Variants in DOK5 observed in about 807,000 individuals in gnomAD.
DOK5 encodes the protein docking protein 5.
In DOK5, 27 loss-of-function variants were observed where a neutral mutation model predicts 43.3. That is an observed-to-expected ratio of 0.62 (90% CI 0.46 to 0.86). The LOEUF (loss-of-function observed/expected upper bound fraction) is 0.86, where lower values mean the gene tolerates loss of function less well. Ranked by LOEUF, DOK5 falls within the 40% of genes least tolerant of loss-of-function variation. The pLI, the probability that DOK5 is intolerant of heterozygous loss-of-function variation, is 0.00. For missense variants in DOK5, 373 were observed against 392.9 expected (o/e 0.95, Z 0.43); for synonymous variants, 146 against 140.1 (o/e 1.04, Z -0.30).
intron 6 of DOK5, among the ~76,000 whole-genome samples, chr20:54,610,896 G>A (rs1049722661): frequency 2.0e-5 from 3 of 152,174 alleles, no homozygotes; most frequent in East Asian, 3.9e-4. Context: ...AAAGAAGAGG[G>A]CTGAGGGAAA....
intron 1 of DOK5, among the ~76,000 whole-genome samples, chr20:54,488,847 G>C (rs1357038969): frequency 6.9e-5 from 10 of 144,424 alleles, no homozygotes; most frequent in Non-Finnish European, 1.1e-4. Flanking sequence ...GCATGAAGTA[G>C]GTGTTATTTT....
At chr20:54,598,144 T>G (rs1568803113) in intron 5 of DOK5, among the ~76,000 whole-genome samples, 1 of 152,242 alleles carries the variant, frequency 6.6e-6, no homozygotes, top group Non-Finnish European at 1.5e-5. Flanking sequence ...AGTGTTTTTC[T>G]CCTTCTCCTC....
chr20:54,579,987 G>A (rs2146757273), intron 2 of DOK5, among the ~76,000 whole-genome samples: 1 of 152,130 alleles, frequency 6.6e-6, no homozygotes, highest in East Asian at 1.9e-4. Context: ...GTGTCCATGT[G>A]TTAGCCTTGT....
At chr20:54,521,160 T>A (rs933282054) in intron 1 of DOK5, among the ~76,000 whole-genome samples, 20 of 152,156 alleles carry the variant, frequency 1.3e-4, no homozygotes, top group Non-Finnish European at 1.9e-4. Context: ...TCTGGTATCA[T>A]GTCACTTTTC....
At chr20:54,547,397 C>T (rs1255070033) in intron 1 of DOK5, among the ~76,000 whole-genome samples, 1 of 152,192 alleles carries the variant, frequency 6.6e-6, no homozygotes. Context: ...TTCTTCATAA[C>T]AGTCCTTGAA....
intron 1 of DOK5, among the ~76,000 whole-genome samples, chr20:54,506,083 T>C (rs1982793539): frequency 6.6e-6 from 1 of 152,156 alleles, no homozygotes; most frequent in South Asian, 2.1e-4. Context: ...GGGTTAGAGC[T>C]GTAGAGGTGG....
chr20:54,586,147 G>A (rs1167187373), intron 2 of DOK5, among the ~76,000 whole-genome samples: 1 of 152,190 alleles, frequency 6.6e-6, no homozygotes, highest in Admixed American at 6.5e-5. Context: ...TGTGGCATAT[G>A]TGTGGGGACC....
chr20:54,481,192 C>A (rs752906577), intron 1 of DOK5, among the ~76,000 whole-genome samples: 3 of 148,344 alleles, frequency 2.0e-5, no homozygotes, highest in Non-Finnish European at 4.4e-5. Context: ...ATTTTTTTGG[C>A]GGAGTCTTGC....
chr20:54,584,170 A>T (rs1326117217), intron 2 of DOK5, among the ~76,000 whole-genome samples: 1 of 151,690 alleles, frequency 6.6e-6, no homozygotes, highest in East Asian at 1.9e-4. Flanking sequence ...AAATAATAAA[A>T]ATAAATAAAT....
intron 6 of DOK5, among the ~76,000 whole-genome samples, chr20:54,615,134 A>C (rs73146055): frequency 0.068 from 10,284 of 152,258 alleles, 386 homozygotes; most frequent in Middle Eastern, 0.095. Context: ...GTGTGTCTAC[A>C]GACAGAATGT....
Position 54,482,223 on chromosome 20 carries a change from A to G in DOK5, c.66+6211A>G, listed in dbSNP as rs935069199. On this transcript the variant is annotated intron_variant, in intron 1 of 7. Transcript: ENST00000262593. ...ACTCCAATTCGAGTGAATTCACTGG[A>G]CTAGGAGGTATTTTTGTTAACTTGG... is the stretch of plus-strand genomic sequence containing the variant. 2.0e-5 allele frequency among the ~76,000 whole-genome samples: 3 copies of G among 152,334 alleles called. No individual in the cohort carries two copies. The East Asian group carries it at 5.8e-4, about 29-fold the overall frequency.
chr20:54,585,166 TTG>T (rs142691717), intron 2 of DOK5, among the ~76,000 whole-genome samples: 3 of 151,446 alleles, frequency 2.0e-5, no homozygotes, highest in African/African-American at 4.9e-5. Flanking sequence ...TGTGTGTGTG[TTG>T]TGTGTGTGTG....
intron 1 of DOK5, among the ~76,000 whole-genome samples, chr20:54,484,209 T>C (rs1382183876): frequency 6.6e-6 from 1 of 152,000 alleles, no homozygotes; most frequent in Non-Finnish European, 1.5e-5. Flanking sequence ...TGAAACCCTG[T>C]CTCTACTAAA....
At chr20:54,544,336 G>A (rs1256755281) in intron 1 of DOK5, among the ~76,000 whole-genome samples, 2 of 151,934 alleles carry the variant, frequency 1.3e-5, no homozygotes, top group African/African-American at 4.8e-5. Context: ...CATTATTTTG[G>A]TAAGTGGAAT....
chr20:54,621,706 G>C (rs959835399), intron 6 of DOK5, among the ~76,000 whole-genome samples: 1 of 151,506 alleles, frequency 6.6e-6, no homozygotes, highest in Admixed American at 6.6e-5. Context: ...AAAAAATCAC[G>C]ATTAAAGATG....
intron 6 of DOK5, among the ~76,000 whole-genome samples, chr20:54,640,682 C>T (rs1979071304): frequency 6.6e-6 from 1 of 152,216 alleles, no homozygotes; most frequent in Non-Finnish European, 1.5e-5. Flanking sequence ...TCTGAAAATA[C>T]AGTCAAATCA....
rs1291397361 is a variant in DOK5, at chr20:54,638,351, AC to A, written c.736-5105del. ...TTTAACCACATAAGTAATGGGGAGA[AC>A]CTTTGGGCTTAGGAGCAGATGTGCA... On this transcript the variant is annotated intron_variant, in intron 6 of 7. Transcript: ENST00000262593. 2.0e-5 allele frequency among the ~76,000 whole-genome samples: 3 copies of A among 152,230 alleles called. No individual in the cohort carries two copies. The East Asian group carries it at 5.8e-4, about 29-fold the overall frequency.
chr20:54,611,847 C>G (rs1317177288), intron 6 of DOK5, among the ~76,000 whole-genome samples: 1 of 152,184 alleles, frequency 6.6e-6, no homozygotes, highest in East Asian at 1.9e-4. Flanking sequence ...GTGATCTGTT[C>G]CAACACAGCC....
chr20:54,588,551 G>A lies in DOK5; in HGVS notation c.243G>A (p.Gly81=), dbSNP rs916182732. 1 of 1,614,164 alleles carries A rather than the reference G, an allele frequency of 6.2e-7. No homozygotes were observed. Among genetic ancestry groups the A allele is most frequent in the South Asian group, 1.1e-5 (1 of 91,088 alleles). The change falls in exon 3 of 8, where the codon GGG becomes GGA. Residue 81 remains glycine (G), a synonymous_variant. Coordinates refer to ENST00000262593, the MANE Select transcript of DOK5 (RefSeq NM_018431.5). ...AAAGCACCAAGAAACATGCCATAGG[G>A]ATTTATTTCAATGACGATACCTCCA... The part of the protein sequence containing the change: ...LPKSTKKHAI[G]IYFNDDTSKT...
Sources: allele counts gnomAD v4.1 joint callset (sites outside exome capture counted in the v4.1 genomes callset), GRCh38; gene constraint gnomAD v4.1.1; transcripts MANE v1.5; gene names NCBI Gene and HGNC (gene_info 2026-07-23, HGNC 2026-07-21).